ADAMTS19: variants seen among roughly 807,000 people sequenced by gnomAD.
The protein encoded by ADAMTS19 is ADAM metallopeptidase with thrombospondin type 1 motif 19, also known as A disintegrin and metalloproteinase with thrombospondin motifs 19.
ADAMTS19 carries 93 observed loss-of-function variants against 153.3 expected under a neutral mutation model. The ratio of observed to expected loss-of-function variants is 0.61; its 90% CI spans 0.51 to 0.72. The LOEUF is 0.72. Ranked by LOEUF, ADAMTS19 falls within the 30% of genes least tolerant of loss-of-function variation. The probability of loss-of-function intolerance (pLI) is 0.00; values close to 1 mark genes in which losing one functional copy is unlikely to be tolerated. For missense variants in ADAMTS19, 1,482 were observed against 1,552.1 expected (o/e 0.95, Z 0.76); for synonymous variants, 600 against 556.6 (o/e 1.08, Z -1.10).
chr5:129,542,254 A>G (rs141191653), intron 6 of ADAMTS19, among the ~76,000 whole-genome samples: 39 of 152,258 alleles, frequency 2.6e-4, no homozygotes, highest in Middle Eastern at 3.4e-3. Flanking sequence ...ATTTTACTAT[A>G]TTATCTCTTT....
At chr5:129,467,366 A>G (rs963000704) in intron 2 of ADAMTS19, among the ~76,000 whole-genome samples, 4 of 152,218 alleles carry the variant, frequency 2.6e-5, no homozygotes, top group African/African-American at 9.6e-5. Context: ...TGATATAACC[A>G]AGGTTAGTTA....
At chr5:129,599,607 AAATAC>A (rs2126926511) in intron 8 of ADAMTS19, among the ~76,000 whole-genome samples, 2 of 152,304 alleles carry the variant, frequency 1.3e-5, no homozygotes, top group South Asian at 4.1e-4. Context: ...TAAGGGAATC[AAATAC>A]AATACGAGTT....
At chr5:129,469,863 T>G (rs1442352422) in intron 2 of ADAMTS19, among the ~76,000 whole-genome samples, 1 of 152,194 alleles carries the variant, frequency 6.6e-6, no homozygotes, top group Non-Finnish European at 1.5e-5. Flanking sequence ...ATTCTGTGGA[T>G]TTCCAGTTTA....
At chr5:129,646,748 A>G (rs1465298013) in intron 11 of ADAMTS19, among the ~76,000 whole-genome samples, 1 of 152,150 alleles carries the variant, frequency 6.6e-6, no homozygotes, top group South Asian at 2.1e-4. Flanking sequence ...TCCTTTGTAA[A>G]TTGTGTTGCC....
At chr5:129,469,677 G>A (rs1749996238) in intron 2 of ADAMTS19, among the ~76,000 whole-genome samples, 1 of 152,174 alleles carries the variant, frequency 6.6e-6, no homozygotes, top group African/African-American at 2.4e-5. Flanking sequence ...CCAGGAGAAT[G>A]AAAAGATAAA....
At chr5:129,633,087 C>A (rs1752374239) in intron 10 of ADAMTS19, among the ~76,000 whole-genome samples, 2 of 152,028 alleles carry the variant, frequency 1.3e-5, no homozygotes, top group Non-Finnish European at 2.9e-5. Context: ...TTCCCTTTCT[C>A]CTTCAGAGTG....
intron 21 of ADAMTS19, among the ~76,000 whole-genome samples, chr5:129,719,759 A>T (rs150595132): frequency 0.013 from 1,949 of 152,268 alleles, 33 homozygotes; most frequent in African/African-American, 0.043. Flanking sequence ...AACATTTATC[A>T]GCTGGGCGCA....
At chr5:129,602,186 G>A (rs1041931591) in intron 8 of ADAMTS19, among the ~76,000 whole-genome samples, 6 of 152,138 alleles carry the variant, frequency 3.9e-5, no homozygotes, top group South Asian at 2.1e-4. Context: ...TCTGCCTCCT[G>A]GGTTCAAGTG....
At chr5:129,474,744 C>T (rs923163165) in intron 2 of ADAMTS19, among the ~76,000 whole-genome samples, 2 of 152,168 alleles carry the variant, frequency 1.3e-5, no homozygotes, top group African/African-American at 4.8e-5. Context: ...AACCATTAAT[C>T]TACTTTGTGC....
chr5:129,527,231 C>T (rs1372706553), intron 4 of ADAMTS19, among the ~76,000 whole-genome samples: 2 of 151,772 alleles, frequency 1.3e-5, no homozygotes, highest in African/African-American at 4.8e-5. Flanking sequence ...AGTGATTCTT[C>T]AATGAGAATA....
chr5:129,614,827 C>T (rs2126963792), intron 8 of ADAMTS19, among the ~76,000 whole-genome samples: 1 of 152,274 alleles, frequency 6.6e-6, no homozygotes, highest in East Asian at 1.9e-4. Context: ...TGATAAGCAA[C>T]TTCAGCCAAG....
At chr5:129,576,198 A>C (rs1054920877) in intron 7 of ADAMTS19, among the ~76,000 whole-genome samples, 1 of 151,968 alleles carries the variant, frequency 6.6e-6, no homozygotes, top group Non-Finnish European at 1.5e-5. Context: ...TTTAGAAATC[A>C]CCACTGCTGC....
Position 129,461,433 on chromosome 5 carries a change from C to T in ADAMTS19, c.423C>T (p.Gly141=), listed in dbSNP as rs1341039059. ...GCGGGGCTGCCGCCTTGTCCCCGGG[C>T]GCCCCGGCCTCGTGGCAGCCGCCGC... ...GSSGAAALSP[G]APASWQPPPP... Residue 141 remains glycine (G), a synonymous_variant, in exon 2 of 23, where the codon GGC becomes GGT. Transcript: ENST00000274487. This position sits in a 1 kb window ranked among gnomAD's most constrained non-coding sequence, Gnocchi z 4.6. 1 of 1,402,258 alleles carries T rather than the reference C, an allele frequency of 7.1e-7. No individual in the cohort carries two copies. The highest frequency in any genetic ancestry group is 3.5e-5 in the Admixed American group (1 of 28,542). The allele number at this position is 1,402,258 out of a possible 1,614,324, so 86.9% of individuals were successfully genotyped here.
At chr5:129,486,739 A>G (rs934171379) in intron 2 of ADAMTS19, among the ~76,000 whole-genome samples, 2 of 152,122 alleles carry the variant, frequency 1.3e-5, no homozygotes, top group African/African-American at 4.8e-5. Flanking sequence ...AGCCACAACA[A>G]TAAGCAAAAT....
intron 19 of ADAMTS19, among the ~76,000 whole-genome samples, chr5:129,696,935 A>C (rs142124275): frequency 2.0e-3 from 306 of 152,242 alleles, no homozygotes; most frequent in African/African-American, 7.0e-3. Context: ...CAGATCCTTA[A>C]AATGTGCTGG....
intron 10 of ADAMTS19, among the ~76,000 whole-genome samples, chr5:129,636,040 G>T (rs947291721): frequency 6.6e-6 from 1 of 152,042 alleles, no homozygotes; most frequent in Non-Finnish European, 1.5e-5. Flanking sequence ...GGAATTATAG[G>T]TGCCTGCCAC....
chr5:129,643,167 GCA>G (rs76876946), intron 11 of ADAMTS19, among the ~76,000 whole-genome samples: 60 of 148,036 alleles, frequency 4.1e-4, no homozygotes, highest in African/African-American at 7.2e-4. Context: ...ACACACAAAA[GCA>G]CACACACACA....
At chr5:129,578,387 T>C (rs1344553989) in intron 7 of ADAMTS19, among the ~76,000 whole-genome samples, 1 of 136,720 alleles carries the variant, frequency 7.3e-6, no homozygotes, top group Non-Finnish European at 1.6e-5. Context: ...TACGTACATA[T>C]ACCTATATGC....
chr5:129,652,024 C>T (rs966260427), intron 13 of ADAMTS19, among the ~76,000 whole-genome samples: 1 of 151,400 alleles, frequency 6.6e-6, no homozygotes, highest in Admixed American at 6.6e-5. Flanking sequence ...AGGTGTTCTC[C>T]AAATTAAAAA....
Sources: allele counts gnomAD v4.1 joint callset (sites outside exome capture counted in the v4.1 genomes callset), GRCh38; gene constraint gnomAD v4.1.1; non-coding constraint Gnocchi (gnomAD v3.1); transcripts MANE v1.5; gene names NCBI Gene and HGNC (gene_info 2026-07-23, HGNC 2026-07-21).